NCKAP5: variants seen among roughly 807,000 people sequenced by gnomAD.
NCKAP5 encodes nck-associated protein 5.
Under a neutral mutation model 167.0 loss-of-function variants are expected in NCKAP5, and 92 were observed. The ratio of observed to expected loss-of-function variants is 0.55; its 90% CI spans 0.47 to 0.66. NCKAP5 has a LOEUF of 0.66. Ranked by LOEUF, NCKAP5 falls within the 30% of genes least tolerant of loss-of-function variation. The probability of loss-of-function intolerance (pLI) is 0.00; values close to 1 mark genes in which losing one functional copy is unlikely to be tolerated. For synonymous variants in NCKAP5, 891 were observed against 877.4 expected (o/e 1.02, Z -0.27); for missense variants, 2,378 against 2,315.0 (o/e 1.03, Z -0.56).
chr2:133,056,891 AT>A (rs200903988), intron 6 of NCKAP5, among the ~76,000 whole-genome samples: 24 of 151,708 alleles, frequency 1.6e-4, no homozygotes, highest in South Asian at 8.3e-4. Context: ...TGCTTTGCAG[AT>A]TTTTTTTTAA....
In NCKAP5 at chr2:133,568,409, T is replaced by C. The variant is rs761635667; in HGVS notation, c.-323A>G. On this transcript the variant is annotated 5_prime_UTR_variant, in exon 1 of 20. Coordinates refer to ENST00000409261, the MANE Select transcript of NCKAP5 (RefSeq NM_207363.3). ...AGCGGCTGGGAAGTCCTGCCGTGAA[T>C]GCGGAGCAAGTTTGCGGAGACTTGC... 5 of 152,250 alleles carry C rather than the reference T, an allele frequency of 3.3e-5. No individual in the cohort carries two copies. The highest frequency in any genetic ancestry group is 5.9e-5 in the Non-Finnish European group (4 of 68,050). 9.4% of individuals were successfully genotyped at this position (152,250 alleles called of 1,614,324 possible).
chr2:133,178,829 CAAAAAAAAAAAA>C (rs66552853), intron 5 of NCKAP5, among the ~76,000 whole-genome samples: 1 of 58,828 alleles, frequency 1.7e-5, no homozygotes, highest in African/African-American at 7.0e-5. Flanking sequence ...GACTCCGTCT[CAAAAAAAAAAAA>C]AAAAAAAAAA....
Position 133,036,748 on chromosome 2 carries a change from A to G in NCKAP5, c.342-42509T>C, listed in dbSNP as rs1239405691. On this transcript the variant is annotated intron_variant, in intron 6 of 19. Coordinates refer to ENST00000409261, the MANE Select transcript of NCKAP5 (RefSeq NM_207363.3). ...AGTAAAACTAAAAGCCTTTCCTTTA[A>G]TATCTGAAACATGACAAGGATACTC... 2.0e-5 allele frequency among the ~76,000 whole-genome samples: 3 copies of G among 152,104 alleles called. No homozygotes were observed. The East Asian group carries it at 5.8e-4, about 29-fold the overall frequency.
chr2:132,963,569 T>C (rs1271600176), intron 8 of NCKAP5, 151 bp downstream of exon 8: 10 of 829,318 alleles, frequency 1.2e-5, no homozygotes, highest in Admixed American at 2.9e-5. Flanking sequence ...TTTTTGCTCA[T>C]TGTAGACAAA....
At chr2:133,215,638 G>GA (rs1175053207) in intron 4 of NCKAP5, among the ~76,000 whole-genome samples, 2 of 152,032 alleles carry the variant, frequency 1.3e-5, no homozygotes, top group Non-Finnish European at 2.9e-5. Flanking sequence ...ATACAACACT[G>GA]AAAAGGAATA....
the NCKAP5 span, among the ~76,000 whole-genome samples, chr2:133,642,355 T>C: frequency 1.8e-4 from 28 of 152,300 alleles, no homozygotes; most frequent in Non-Finnish European, 3.7e-4. Flanking sequence ...ATCCAAACCA[T>C]AGCACCTGGT....
chr2:133,419,819 A>G (rs1367148986), intron 3 of NCKAP5, among the ~76,000 whole-genome samples: 1 of 152,236 alleles, frequency 6.6e-6, no homozygotes, highest in Non-Finnish European at 1.5e-5. Context: ...ACAAAAAAAC[A>G]TAATGACCAC....
chr2:132,723,679 A>C (rs1329962156), intron 19 of NCKAP5, among the ~76,000 whole-genome samples: 1 of 152,226 alleles, frequency 6.6e-6, no homozygotes, highest in African/African-American at 2.4e-5. Context: ...TCAGGTGCTT[A>C]ACAGCCATGT....
intron 8 of NCKAP5, among the ~76,000 whole-genome samples, chr2:132,918,644 C>T (rs1695072200): frequency 6.6e-6 from 1 of 152,044 alleles, no homozygotes; most frequent in Admixed American, 6.6e-5. Flanking sequence ...TAACTTGATC[C>T]TTCTCCAAAG....
chr2:132,956,148 T>G (rs2076336978), intron 8 of NCKAP5, among the ~76,000 whole-genome samples: 1 of 152,246 alleles, frequency 6.6e-6, no homozygotes, highest in African/African-American at 2.4e-5. Flanking sequence ...ACTAGCTTGA[T>G]GTAATTATTA....
chr2:133,672,798 C>A, the NCKAP5 span, among the ~76,000 whole-genome samples: 1 of 152,168 alleles, frequency 6.6e-6, no homozygotes, highest in South Asian at 2.1e-4. Context: ...CTGTTCTAGG[C>A]CACAGGAAGG....
intron 2 of NCKAP5, among the ~76,000 whole-genome samples, chr2:133,546,789 G>T (rs1367309958): frequency 6.6e-6 from 1 of 152,194 alleles, no homozygotes; most frequent in Admixed American, 6.5e-5. Context: ...ACCCTATCTA[G>T]GCATTCTGCT....
chr2:132,755,832 G>GA lies in NCKAP5; in HGVS notation c.5128+17983dup, dbSNP rs199583183. On this transcript the variant is annotated intron_variant, in intron 16 of 19. Transcript: ENST00000409261. ...GGTGACAGAGCGAGATTCTGTCTCA[G>GA]AAAAAAAAATGCTAAATGGCAAAAT... is the stretch of plus-strand genomic sequence containing the variant. Among the ~76,000 whole-genome samples the GA allele has an allele frequency of 4.2e-3, 615 of 146,470 alleles. 7 individuals are homozygous for GA. Among genetic ancestry groups the GA allele is most frequent in the African/African-American group, 0.014 (553 of 39,704 alleles).
intron 5 of NCKAP5, among the ~76,000 whole-genome samples, chr2:133,194,236 A>G (rs895701619): frequency 1.3e-5 from 2 of 152,156 alleles, no homozygotes; most frequent in South Asian, 2.1e-4. Context: ...ACCTGAATTA[A>G]TCACTCACTT....
chr2:133,507,591 G>A (rs1378060655), intron 3 of NCKAP5, among the ~76,000 whole-genome samples: 1 of 152,206 alleles, frequency 6.6e-6, no homozygotes, highest in Non-Finnish European at 1.5e-5. Context: ...CTTAGAGGGA[G>A]CAGGCCAGAC....
At chr2:132,932,357 T>C (rs1696448563) in intron 8 of NCKAP5, among the ~76,000 whole-genome samples, 1 of 152,180 alleles carries the variant, frequency 6.6e-6, no homozygotes, top group African/African-American at 2.4e-5. Context: ...TGTATCTTCA[T>C]TGTCATTTAG....
intron 3 of NCKAP5, among the ~76,000 whole-genome samples, chr2:133,471,363 A>G (rs1679286359): frequency 7.1e-6 from 1 of 141,814 alleles, no homozygotes; most frequent in Admixed American, 7.0e-5. Flanking sequence ...AAGTGCCACT[A>G]GCAACTTGTC....
chr2:133,523,131 C>T (rs1684611120), intron 2 of NCKAP5, among the ~76,000 whole-genome samples: 1 of 150,162 alleles, frequency 6.7e-6, no homozygotes, highest in Admixed American at 6.6e-5. Context: ...TTTTTTCTCA[C>T]AGTTAGTAAT....
chr2:133,279,717 G>A (rs370568171), intron 4 of NCKAP5, among the ~76,000 whole-genome samples: 6 of 152,262 alleles, frequency 3.9e-5, no homozygotes, highest in African/African-American at 7.2e-5. Flanking sequence ...TGAGCACACC[G>A]TTGTTCTATG....
Sources: allele counts gnomAD v4.1 joint callset (sites outside exome capture counted in the v4.1 genomes callset), GRCh38; gene constraint gnomAD v4.1.1; transcripts MANE v1.5; gene names NCBI Gene and HGNC (gene_info 2026-07-23, HGNC 2026-07-21).